The following LDAH variants were observed in gnomAD, a reference collection of about 807,000 sequenced individuals.
LDAH encodes lipid droplet associated hydrolase.
Under a neutral mutation model 29.6 loss-of-function variants are expected in LDAH, and 26 were observed. The ratio of observed to expected loss-of-function variants is 0.88; its 90% CI spans 0.64 to 1.22. LDAH has a LOEUF of 1.22. Among genes scored for constraint, LDAH ranks in the 50% most tolerant of loss-of-function variants. LDAH has a pLI of 0.00. For synonymous variants in LDAH, 117 were observed against 133.0 expected (o/e 0.88, Z 0.83); for missense variants, 344 against 387.3 (o/e 0.89, Z 0.94).
Position 20,819,181 on chromosome 2 carries a change from C to G in LDAH, c.-3+3856G>C, listed in dbSNP as rs943107530. On this transcript the variant is annotated intron_variant, in intron 1 of 6. Coordinates refer to ENST00000237822, the MANE Select transcript of LDAH (RefSeq NM_021925.4). ...TTTGTTTTGCACAACTCCTTTGCAA[C>G]TGTGACATCAAACTTTCTTGTAATT... is the stretch of plus-strand genomic sequence containing the variant. Among the ~76,000 whole-genome samples, 3 of 151,966 alleles carry G rather than the reference C, an allele frequency of 2.0e-5. 1 individual carries two copies. In the East Asian group the frequency reaches 5.8e-4, roughly 29 times the overall value.
intron 1 of LDAH, among the ~76,000 whole-genome samples, chr2:20,817,881 G>A (rs936797268): frequency 1.6e-4 from 24 of 151,914 alleles, no homozygotes; most frequent in East Asian, 1.9e-4. Context: ...AGTTACATAC[G>A]GTATGAGTCC....
At chr2:20,801,203 A>G in intron 2 of LDAH, 107 bp downstream of exon 2, 1 of 1,223,498 alleles carries the variant, frequency 8.2e-7, no homozygotes, top group East Asian at 2.4e-5. Flanking sequence ...AGCGATTTTA[A>G]TTCCTTCTCC....
chr2:20,743,663 C>T (rs1667366799), intron 4 of LDAH, among the ~76,000 whole-genome samples: 1 of 152,112 alleles, frequency 6.6e-6, no homozygotes, highest in Non-Finnish European at 1.5e-5. Flanking sequence ...TATTCCCTCT[C>T]TGATGCTCTT....
intron 4 of LDAH, among the ~76,000 whole-genome samples, chr2:20,748,144 C>T (rs1480116998): frequency 2.6e-5 from 4 of 152,082 alleles, no homozygotes; most frequent in Admixed American, 2.6e-4. Flanking sequence ...CTTTCAACTA[C>T]TGATTACTGA....
chr2:20,690,769 A>G (rs919020503), intron 6 of LDAH, among the ~76,000 whole-genome samples: 2 of 152,146 alleles, frequency 1.3e-5, no homozygotes, highest in Non-Finnish European at 2.9e-5. Context: ...TTAACAGTGC[A>G]TACTCTTTAT....
chr2:20,786,465 C>T (rs772035768), intron 3 of LDAH, among the ~76,000 whole-genome samples: 7 of 152,152 alleles, frequency 4.6e-5, no homozygotes, highest in African/African-American at 7.2e-5. Context: ...GCTGGGATTA[C>T]AGGCATGAGC....
At chr2:20,742,211 C>A (rs1667228630) in intron 4 of LDAH, among the ~76,000 whole-genome samples, 1 of 152,104 alleles carries the variant, frequency 6.6e-6, no homozygotes, top group African/African-American at 2.4e-5. Context: ...GCTTTATGGA[C>A]CATAATGTGG....
intron 1 of LDAH, among the ~76,000 whole-genome samples, chr2:20,807,554 A>C (rs1368106941): frequency 6.6e-6 from 1 of 152,162 alleles, no homozygotes; most frequent in Non-Finnish European, 1.5e-5. Flanking sequence ...AAATTTAATC[A>C]GTTTAAGTTA....
Position 20,774,831 on chromosome 2 carries a change from C to T in LDAH, c.447G>A (p.Leu149=), listed in dbSNP as rs761345774. The part of the protein sequence containing the change: ...SIGSYFTLQM[L]KRVPELPVIR... The stretch of plus-strand genomic sequence containing the variant: ...TTACCGGGAGCTCAGGGACTCGCTT[C>T]AGCATCTGAAGTGTGAAATAGCTGC... The change falls in exon 4 of 7, where the codon CTG becomes CTA. Residue 149 remains leucine (L), a synonymous_variant. Coordinates refer to ENST00000237822, the MANE Select transcript of LDAH (RefSeq NM_021925.4). 1.9e-6 allele frequency: 3 copies of T among 1,613,032 alleles called. No homozygotes were observed. The Admixed American group carries it at 5.0e-5, about 27-fold the overall frequency.
rs569918870 is a variant in LDAH at position 20,800,199 on chromosome 2, G to C, written c.154+1111C>G. On this transcript the variant is annotated intron_variant, in intron 2 of 6. Coordinates refer to ENST00000237822, the MANE Select transcript of LDAH (RefSeq NM_021925.4). ...TGTTTTATAATCTTGGAGTAGGAAAGCCCTCTCTAAGAAACTCATAAAACC... is the reference window on the plus strand; with the variant it reads ...TGTTTTATAATCTTGGAGTAGGAAACCCCTCTCTAAGAAACTCATAAAACC... 2.0e-5 allele frequency among the ~76,000 whole-genome samples: 3 copies of C among 152,290 alleles called. 1 individual carries two copies. The South Asian group carries it at 6.2e-4, about 32-fold the overall frequency.
At chr2:20,710,178 G>C (rs1664610154) in intron 5 of LDAH, among the ~76,000 whole-genome samples, 1 of 152,102 alleles carries the variant, frequency 6.6e-6, no homozygotes, top group South Asian at 2.1e-4. Flanking sequence ...TGTTTAGCCA[G>C]ATTGATCAGG....
intron 4 of LDAH, among the ~76,000 whole-genome samples, chr2:20,767,838 T>C (rs1248163652): frequency 2.0e-5 from 3 of 152,062 alleles, no homozygotes; most frequent in Non-Finnish European, 4.4e-5. Flanking sequence ...AGAGAGACAA[T>C]GGGATGACCT....
At chr2:20,695,694 C>T (rs952544190) in intron 6 of LDAH, among the ~76,000 whole-genome samples, 13 of 152,058 alleles carry the variant, frequency 8.5e-5, no homozygotes, top group Admixed American at 5.2e-4. Flanking sequence ...ATGATCCACC[C>T]GCCTCGGCCT....
chr2:20,710,189 GA>G lies in LDAH; in HGVS notation c.704-8538del, dbSNP rs1046555985. On this transcript the variant is annotated intron_variant, in intron 5 of 6. Coordinates refer to ENST00000237822, the MANE Select transcript of LDAH (RefSeq NM_021925.4). ...TAAGTGTTTAGCCAGATTGATCAGG[GA>G]AAAAAATGTGAGAAGACAAAAGATA... Among the ~76,000 whole-genome samples, 9 of 152,022 alleles carry G rather than the reference GA, an allele frequency of 5.9e-5. No homozygotes were observed. The Middle Eastern group carries it at 0.01, about 172-fold the overall frequency.
At position 20,685,559 on chromosome 2, in the gene LDAH, A is replaced by T. The variant is rs1281711573; in HGVS notation, c.*1344T>A. The stretch of plus-strand genomic sequence containing the variant: ...ATTCAGCACTTACCAATAAGTTGGC[A>T]GCAAATCAGAGCCAAATCTTTCATC... On this transcript the variant is annotated 3_prime_UTR_variant, in exon 7 of 7. Coordinates refer to ENST00000237822, the MANE Select transcript of LDAH (RefSeq NM_021925.4). The T allele has an allele frequency of 6.5e-7, 1 of 1,550,372 alleles. No homozygotes were observed. Among genetic ancestry groups the T allele is most frequent in the Non-Finnish European group, 8.7e-7 (1 of 1,146,980 alleles).
chr2:20,745,801 T>C (rs1047213059), intron 4 of LDAH, among the ~76,000 whole-genome samples: 1 of 152,162 alleles, frequency 6.6e-6, no homozygotes, highest in Non-Finnish European at 1.5e-5. Context: ...TTGAATCAAA[T>C]ATGTATGATG....
At chr2:20,803,662 C>G (rs1210440002) in intron 1 of LDAH, among the ~76,000 whole-genome samples, 1 of 152,164 alleles carries the variant, frequency 6.6e-6, no homozygotes, top group Non-Finnish European at 1.5e-5. Context: ...CCTGCTCACA[C>G]TGTGATTGTG....
intron 4 of LDAH, among the ~76,000 whole-genome samples, chr2:20,748,623 C>T (rs1246311156): frequency 6.6e-6 from 1 of 152,210 alleles, no homozygotes; most frequent in Non-Finnish European, 1.5e-5. Flanking sequence ...TCTTTACCTG[C>T]TGCTCTGCAG....
intron 5 of LDAH, among the ~76,000 whole-genome samples, chr2:20,714,917 G>T (rs1438788697): frequency 6.6e-6 from 1 of 152,112 alleles, no homozygotes; most frequent in Non-Finnish European, 1.5e-5. Context: ...AAAAGTCCAG[G>T]ACCAGACAGA....
Sources: gnomAD v4.1 joint callset for allele counts (sites outside exome capture counted in the v4.1 genomes callset) on GRCh38, gnomAD v4.1.1 for gene constraint, MANE v1.5 for transcripts, NCBI Gene and HGNC (gene_info 2026-07-23, HGNC 2026-07-21) for gene names.